TTBK2: variants seen among roughly 807,000 people sequenced by gnomAD.
TTBK2 encodes the protein tau tubulin kinase 2, also known as tau-tubulin kinase 2.
A neutral mutation model predicts 110.8 loss-of-function variants in TTBK2; 28 were observed. The observed-to-expected ratio is 0.25, with a 90% CI of 0.19 to 0.35. TTBK2 has a LOEUF of 0.35. Ranked by LOEUF, TTBK2 falls within the 10% of genes least tolerant of loss-of-function variation. The pLI, the probability that TTBK2 is intolerant of heterozygous loss-of-function variation, is 1.00. For synonymous variants in TTBK2, 532 were observed against 527.3 expected, an observed-to-expected ratio of 1.01 and a Z score of -0.12; for missense variants, 1,369 against 1,500.3, an observed-to-expected ratio of 0.91 and a Z score of 1.45.
chr15:42,754,109 C>T (rs554505397), intron 13 of TTBK2, among the ~76,000 whole-genome samples: 2 of 144,302 alleles, frequency 1.4e-5, no homozygotes, highest in Admixed American at 6.9e-5. Flanking sequence ...TTTTGAGACA[C>T]GGTTACTGTG....
chr15:42,795,511 C>T (rs1031680274), intron 9 of TTBK2, among the ~76,000 whole-genome samples: 1 of 152,116 alleles, frequency 6.6e-6, no homozygotes, highest in Non-Finnish European at 1.5e-5. Context: ...ATTCTCTCCT[C>T]ATCATTTCTG....
chr15:42,820,846 A>AG (rs1258924703), intron 6 of TTBK2, among the ~76,000 whole-genome samples: 1 of 152,130 alleles, frequency 6.6e-6, no homozygotes, highest in African/African-American at 2.4e-5. Flanking sequence ...CTCTAAAAAA[A>AG]AAAGAATTAA....
chr15:42,750,504 G>C (rs1172500381), intron 14 of TTBK2, among the ~76,000 whole-genome samples: 1 of 151,938 alleles, frequency 6.6e-6, no homozygotes, highest in African/African-American at 2.4e-5. Context: ...GCAGATTTGA[G>C]CAGGCAGAAG....
chr15:42,757,479 C>G (rs2061964698), intron 13 of TTBK2, among the ~76,000 whole-genome samples: 1 of 152,148 alleles, frequency 6.6e-6, no homozygotes, highest in Non-Finnish European at 1.5e-5. Context: ...GATAGGACTT[C>G]AGGATTTTGA....
At chr15:42,887,447 C>T (rs1188962583) in intron 1 of TTBK2, among the ~76,000 whole-genome samples, 3 of 152,150 alleles carry the variant, frequency 2.0e-5, no homozygotes, top group African/African-American at 7.2e-5. Flanking sequence ...TCACCCTTAC[C>T]CCGCTCAACG....
chr15:42,747,551 C>G (rs1307935690), intron 14 of TTBK2, among the ~76,000 whole-genome samples: 1 of 152,146 alleles, frequency 6.6e-6, no homozygotes, highest in Non-Finnish European at 1.5e-5. Flanking sequence ...AGCGTACAAC[C>G]TAGATCTCTC....
In TTBK2 at chr15:42,752,732, G is replaced by C. The variant is rs763268802; in HGVS notation, c.2514C>G (p.Asp838Glu). 6.4e-5 allele frequency: 103 copies of C among 1,613,888 alleles called. No homozygotes were observed. The highest frequency in any genetic ancestry group is 8.1e-5 in the Non-Finnish European group (96 of 1,180,020). Residue 838 changes from aspartate (D) to glutamate (E), a missense_variant, in exon 14 of 15, where the codon GAC becomes GAG. By Grantham distance (45) the Asp-to-Glu change is conservative. Transcript: ENST00000267890. Reference sequence around the variant, plus strand: ...GAAGCTTCATTATCTCATTATTTTTGTCTTGATTTGGCACCACACTAAAAG... The same window carrying C: ...GAAGCTTCATTATCTCATTATTTTTCTCTTGATTTGGCACCACACTAAAAG... The part of the protein sequence containing the change: ...TQTFSVVPNQ[D>E]KNNEIMKLLT...
intron 9 of TTBK2, among the ~76,000 whole-genome samples, chr15:42,805,959 T>C (rs1396877487): frequency 1.3e-5 from 2 of 152,200 alleles, no homozygotes; most frequent in African/African-American, 4.8e-5. Context: ...AGAACCTTTA[T>C]TGTGTTAAGA....
chr15:42,878,789 G>A (rs747914335), intron 1 of TTBK2, 105 bp from the exon 2 acceptor site: 1 of 1,396,566 alleles, frequency 7.2e-7, no homozygotes, highest in South Asian at 1.3e-5. Context: ...ACACTAATTA[G>A]GCTATTTTGT....
intron 1 of TTBK2, among the ~76,000 whole-genome samples, chr15:42,880,694 G>A (rs1309811500): frequency 6.6e-6 from 1 of 152,044 alleles, no homozygotes. Flanking sequence ...GCACCTGGTC[G>A]GGCAGTTTGT....
At chr15:42,844,110 G>A (rs1343981580) in intron 3 of TTBK2, among the ~76,000 whole-genome samples, 1 of 152,152 alleles carries the variant, frequency 6.6e-6, no homozygotes, top group Non-Finnish European at 1.5e-5. Context: ...TGCAACACCA[G>A]TCTCAGTGTA....
At chr15:42,870,406 T>C (rs1392243609) in intron 3 of TTBK2, among the ~76,000 whole-genome samples, 1 of 151,848 alleles carries the variant, frequency 6.6e-6, no homozygotes, top group African/African-American at 2.4e-5. Context: ...TGAGAAAATC[T>C]AGGGTTGTTA....
chr15:42,903,134 T>C (rs1045295559), intron 1 of TTBK2, among the ~76,000 whole-genome samples: 7 of 152,116 alleles, frequency 4.6e-5, no homozygotes, highest in African/African-American at 1.7e-4. Flanking sequence ...AAAATGCAGA[T>C]AAACCTTAAA....
chr15:42,850,259 C>A (rs1416693688), intron 3 of TTBK2, among the ~76,000 whole-genome samples: 1 of 152,178 alleles, frequency 6.6e-6, no homozygotes, highest in Non-Finnish European at 1.5e-5. Context: ...TAGGAGACCC[C>A]TTTCCTCCTC....
At chr15:42,892,789 C>A (rs1307807215) in intron 1 of TTBK2, among the ~76,000 whole-genome samples, 1 of 148,606 alleles carries the variant, frequency 6.7e-6, no homozygotes, top group Non-Finnish European at 1.5e-5. Context: ...GCAGGCGGAT[C>A]ACCTGAGGTC....
At chr15:42,795,497 C>T (rs1371512735) in intron 9 of TTBK2, among the ~76,000 whole-genome samples, 1 of 152,016 alleles carries the variant, frequency 6.6e-6, no homozygotes, top group African/African-American at 2.4e-5. Context: ...ATGATTATAG[C>T]TTTATTCTCT....
At chr15:42,869,329 T>C (rs1894515985) in intron 3 of TTBK2, among the ~76,000 whole-genome samples, 1 of 151,130 alleles carries the variant, frequency 6.6e-6, no homozygotes, top group African/African-American at 2.4e-5. Context: ...CCTCAGGCGA[T>C]CCACCCACCT....
intron 1 of TTBK2, among the ~76,000 whole-genome samples, chr15:42,899,858 C>T (rs530067569): frequency 2.0e-5 from 3 of 150,778 alleles, no homozygotes; most frequent in Non-Finnish European, 3.0e-5. Flanking sequence ...GCCAAGATCA[C>T]GCCACTGCAC....
At chr15:42,910,889 T>C (rs1376061913) in intron 1 of TTBK2, among the ~76,000 whole-genome samples, 2 of 151,360 alleles carry the variant, frequency 1.3e-5, no homozygotes, top group Admixed American at 1.3e-4. Context: ...ACCAAAAATA[T>C]AAAAATTAGC....
Sources: allele counts gnomAD v4.1 joint callset (sites outside exome capture counted in the v4.1 genomes callset), GRCh38; gene constraint gnomAD v4.1.1; transcripts MANE v1.5; gene names NCBI Gene and HGNC (gene_info 2026-07-23, HGNC 2026-07-21).